NRXN3: variants seen among roughly 807,000 people sequenced by gnomAD.
NRXN3 encodes neurexin 3, also known as neurexin III.
In NRXN3, 32 loss-of-function variants were observed where a neutral mutation model predicts 137.6. The observed-to-expected ratio is 0.23, with a 90% confidence interval of 0.18 to 0.31. The LOEUF (loss-of-function observed/expected upper bound fraction) is 0.31. Among genes scored for constraint, NRXN3 ranks in the 10% least tolerant of loss-of-function variants. The pLI is 1.00. For missense variants in NRXN3, 1,574 were observed against 2,062.5 expected, an observed-to-expected ratio of 0.76 and a Z score of 4.59; for synonymous variants, 798 against 784.5, an observed-to-expected ratio of 1.02 and a Z score of -0.29.
chr14:79,696,534 A>C (rs2098736071), intron 18 of NRXN3, among the ~76,000 whole-genome samples: 1 of 151,932 alleles, frequency 6.6e-6, no homozygotes, highest in Admixed American at 6.6e-5. Flanking sequence ...GCCTTAGCAT[A>C]TTGCTGTTCT....
At chr14:79,231,264 G>A (rs2072139510) in intron 15 of NRXN3, among the ~76,000 whole-genome samples, 1 of 151,840 alleles carries the variant, frequency 6.6e-6, no homozygotes, top group African/African-American at 2.4e-5. Flanking sequence ...ATGACTTTAG[G>A]GATCTGAATA....
chr14:78,987,235 CTGAGAACTACACAT>C (rs2099508823), intron 14 of NRXN3, among the ~76,000 whole-genome samples: 1 of 152,040 alleles, frequency 6.6e-6, no homozygotes, highest in Admixed American at 6.6e-5. Context: ...TTGTGGTCGT[CTGAGAACTACACAT>C]TGAGAACCAC....
At chr14:78,895,299 C>G (rs989691315) in intron 10 of NRXN3, among the ~76,000 whole-genome samples, 1 of 151,908 alleles carries the variant, frequency 6.6e-6, no homozygotes, top group African/African-American at 2.4e-5. Context: ...TCTACATAAG[C>G]ACTTGCCGCT....
chr14:78,287,775 T>G (rs574275139), intron 3 of NRXN3, among the ~76,000 whole-genome samples: 2 of 152,360 alleles, frequency 1.3e-5, no homozygotes, highest in East Asian at 3.9e-4. Context: ...TTTAAGGATC[T>G]TCTTTTCTAA....
At position 78,574,050 on chromosome 14, in the gene NRXN3, T is replaced by C. The variant is rs147889432; in HGVS notation, c.758-71070T>C. On this transcript the variant is annotated intron_variant, in intron 4 of 20. Coordinates refer to ENST00000335750, the MANE Select transcript of NRXN3 (RefSeq NM_001330195.2). ...AGGGGCCAATGTAGAGCTCAGGCCA[T>C]TGCTTCAGAGGGTACAAGCCCCAAG... is the stretch of plus-strand genomic sequence containing the variant. Among the ~76,000 whole-genome samples the C allele has an allele frequency of 7.9e-4, 121 of 152,332 alleles. No homozygotes were observed. The East Asian group carries it at 0.017, about 21-fold the overall frequency.
intron 16 of NRXN3, among the ~76,000 whole-genome samples, chr14:79,653,992 T>G (rs929370085): frequency 1.3e-5 from 2 of 152,172 alleles, no homozygotes; most frequent in African/African-American, 4.8e-5. Flanking sequence ...GCAATATGAC[T>G]CAATAAGCTG....
At chr14:78,834,510 A>T (rs1253186166) in intron 10 of NRXN3, among the ~76,000 whole-genome samples, 1 of 152,206 alleles carries the variant, frequency 6.6e-6, no homozygotes, top group Non-Finnish European at 1.5e-5. Flanking sequence ...AAAATGAAGC[A>T]GGTTCATTCG....
At chr14:79,467,470 C>A (rs74068679) in intron 16 of NRXN3, 68 bp downstream of exon 16, 4 of 1,382,792 alleles carry the variant, frequency 2.9e-6, no homozygotes, top group Middle Eastern at 1.9e-4. Context: ...TTCAGGTAGA[C>A]GCAGCAGAAC....
At chr14:78,351,355 G>T (rs187496883) in intron 4 of NRXN3, among the ~76,000 whole-genome samples, 14 of 152,250 alleles carry the variant, frequency 9.2e-5, no homozygotes, top group Admixed American at 3.3e-4. Context: ...TACTAGAAAT[G>T]GAATTTTTAG....
At chr14:79,562,312 A>C (rs1300927248) in intron 16 of NRXN3, among the ~76,000 whole-genome samples, 2 of 152,154 alleles carry the variant, frequency 1.3e-5, no homozygotes, top group East Asian at 3.9e-4. Context: ...ATGCATGTGA[A>C]TGTCATTTGT....
chr14:79,435,105 G>A (rs866470334), intron 15 of NRXN3, among the ~76,000 whole-genome samples: 18 of 152,148 alleles, frequency 1.2e-4, no homozygotes, highest in African/African-American at 3.6e-4. Flanking sequence ...GCCACAACGG[G>A]CTTCTGATCT....
At chr14:79,043,315 G>C (rs1006566429) in intron 15 of NRXN3, among the ~76,000 whole-genome samples, 1 of 152,156 alleles carries the variant, frequency 6.6e-6, no homozygotes, top group Admixed American at 6.6e-5. Flanking sequence ...GATACTGAAA[G>C]TATCCACTAG....
chr14:78,991,179 A>G (rs1317006905), intron 15 of NRXN3, among the ~76,000 whole-genome samples: 1 of 152,194 alleles, frequency 6.6e-6, no homozygotes, highest in Non-Finnish European at 1.5e-5. Flanking sequence ...GATGAAAAGG[A>G]ATATAGAGAA....
At chr14:78,504,771 T>A (rs1002152547) in intron 4 of NRXN3, among the ~76,000 whole-genome samples, 3 of 152,298 alleles carry the variant, frequency 2.0e-5, no homozygotes, top group South Asian at 2.1e-4. Context: ...ACACCCTATC[T>A]ATGTGCTTTC....
At position 79,086,190 on chromosome 14, in the gene NRXN3, G is replaced by A. The variant is rs376300710; in HGVS notation, c.3262+98049G>A. On this transcript the variant is annotated intron_variant, in intron 15 of 20. Transcript: ENST00000335750. ...ATCCTGCCACAGGGAATAAATTCTTGGATGAAATTCTACAGGTCATTTAGC... is the reference window on the plus strand; with the variant it reads ...ATCCTGCCACAGGGAATAAATTCTTAGATGAAATTCTACAGGTCATTTAGC... 2.6e-5 allele frequency among the ~76,000 whole-genome samples: 4 copies of A among 152,182 alleles called. No individual in the cohort carries two copies. The East Asian group carries it at 5.8e-4, about 22-fold the overall frequency.
At chr14:79,772,904 C>G (rs988956315) in intron 19 of NRXN3, among the ~76,000 whole-genome samples, 3 of 152,142 alleles carry the variant, frequency 2.0e-5, no homozygotes, top group African/African-American at 7.2e-5. Flanking sequence ...TATCCAGAAT[C>G]TACAATGAAC....
chr14:79,770,788 A>G (rs930535075), intron 19 of NRXN3, among the ~76,000 whole-genome samples: 5 of 151,654 alleles, frequency 3.3e-5, no homozygotes, highest in Non-Finnish European at 7.4e-5. Context: ...GCAGAACTGA[A>G]GGAAATAGAG....
At chr14:79,389,102 A>G (rs903213253) in intron 15 of NRXN3, among the ~76,000 whole-genome samples, 1 of 152,186 alleles carries the variant, frequency 6.6e-6, no homozygotes, top group African/African-American at 2.4e-5. Context: ...GAACTGACTA[A>G]TGCAGGGGGT....
At chr14:78,842,083 G>T (rs2099014082) in intron 10 of NRXN3, among the ~76,000 whole-genome samples, 1 of 152,054 alleles carries the variant, frequency 6.6e-6, no homozygotes, top group African/African-American at 2.4e-5. Context: ...TCACTTTTCA[G>T]GTTTTCTTTG....
Sources: allele counts gnomAD v4.1 joint callset (sites outside exome capture counted in the v4.1 genomes callset), GRCh38; gene constraint gnomAD v4.1.1; transcripts MANE v1.5; gene names NCBI Gene and HGNC (gene_info 2026-07-23, HGNC 2026-07-21).